RYR2: variants seen among roughly 807,000 people sequenced by gnomAD.
RYR2 encodes cardiac muscle ryanodine receptor-calcium release channel.
RYR2 carries 227 observed loss-of-function variants against 601.1 expected under a neutral mutation model. The observed-to-expected ratio is 0.38, with a 90% CI of 0.34 to 0.42. The LOEUF (loss-of-function observed/expected upper bound fraction) is 0.42, where lower values mean the gene tolerates loss of function less well. Ranked by LOEUF, RYR2 falls within the 10% of genes least tolerant of loss-of-function variation. RYR2 has a pLI of 1.00. For synonymous variants in RYR2, 2,223 were observed against 2,175.1 expected, an observed-to-expected ratio of 1.02 and a Z score of -0.61; for missense variants, 4,646 against 6,156.5, an observed-to-expected ratio of 0.75 and a Z score of 8.21.
intron 79 of RYR2, among the ~76,000 whole-genome samples, chr1:237,737,491 C>A (rs966964121): frequency 2.0e-5 from 3 of 152,206 alleles, no homozygotes; most frequent in African/African-American, 7.2e-5. Flanking sequence ...CATTTGCCAT[C>A]AATGGCAAGA....
intron 66 of RYR2, among the ~76,000 whole-genome samples, chr1:237,702,335 T>A (rs1688036592): frequency 6.6e-6 from 1 of 152,208 alleles, no homozygotes; most frequent in Non-Finnish European, 1.5e-5. Flanking sequence ...TGAAAGCACC[T>A]GCTAGTATCG....
At chr1:237,256,532 A>G (rs1688005363) in intron 1 of RYR2, among the ~76,000 whole-genome samples, 1 of 151,994 alleles carries the variant, frequency 6.6e-6, no homozygotes, top group Non-Finnish European at 1.5e-5. Flanking sequence ...TGACTCCTTC[A>G]CCTTCCTTGG....
At chr1:237,049,950 T>C (rs1457140550) in intron 1 of RYR2, among the ~76,000 whole-genome samples, 1 of 152,196 alleles carries the variant, frequency 6.6e-6, no homozygotes, top group Non-Finnish European at 1.5e-5. Flanking sequence ...TTCTGGGGTT[T>C]CCCAGAATGT....
intron 102 of RYR2, 28 bp from the exon 103 acceptor site, chr1:237,830,502 G>T (rs756249746): frequency 5.9e-6 from 8 of 1,365,342 alleles, no homozygotes; most frequent in East Asian, 2.3e-5. Flanking sequence ...TCTGAACTCT[G>T]ACGTTAATAT....
In RYR2 at chr1:237,274,183, C is replaced by A. The variant is rs1933231; in HGVS notation, c.168+3567C>A. Among the ~76,000 whole-genome samples the A allele has an allele frequency of 3.6e-3, 536 of 149,618 alleles. 7 individuals carry two copies. Among genetic ancestry groups the A allele is most frequent in the East Asian group, 0.024 (124 of 5,126 alleles). Reference sequence around the variant, plus strand: ...AATATAAAAATGCATATTTAATGTACATATTATATATGATATGTATATCCT... The same window carrying A: ...AATATAAAAATGCATATTTAATGTAAATATTATATATGATATGTATATCCT... On this transcript the variant is annotated intron_variant, in intron 2 of 104. Transcript: ENST00000366574.
rs1660616083 is a variant in RYR2, at chr1:237,806,186, A to G, written c.14201A>G (p.Tyr4734Cys). 2.5e-6 allele frequency: 4 copies of G among 1,613,590 alleles called. No individual in the cohort carries two copies. Among genetic ancestry groups the G allele is most frequent in the Non-Finnish European group, 3.4e-6 (4 of 1,179,558 alleles). ...WYMTMSVLGH[Y>C]NNFFFAAHLL... ...ATGACTATGTCTGTTCTTGGACACT[A>G]TAACAACTTTTTTTTTGCCGCTCAC... The change falls in exon 99 of 105, where the codon TAT (tyrosine) becomes TGT (cysteine). Residue 4734 changes from tyrosine (Y) to cysteine (C), a missense_variant. Around this residue, in one of 17 missense-constraint regions of RYR2, gnomAD observed 76 missense variants for 97.4 expected, o/e 0.78. Transcript: ENST00000366574.
intron 27 of RYR2, among the ~76,000 whole-genome samples, chr1:237,553,901 G>T (rs1008692836): frequency 2.6e-5 from 4 of 151,838 alleles, no homozygotes; most frequent in Non-Finnish European, 5.9e-5. Context: ...TTATATGTCA[G>T]TTCTATTTTT....
chr1:237,807,050 C>T (rs1660708537), intron 99 of RYR2, among the ~76,000 whole-genome samples: 2 of 152,184 alleles, frequency 1.3e-5, no homozygotes, highest in African/African-American at 4.8e-5. Flanking sequence ...ATAATTGCCT[C>T]TCTAAAAGCT....
chr1:237,687,533 A>G, intron 63 of RYR2, 29 bp downstream of exon 63: 1 of 1,572,802 alleles, frequency 6.4e-7, no homozygotes, highest in South Asian at 1.1e-5. Flanking sequence ...AAATACAAGC[A>G]TGGCCATCAC....
intron 1 of RYR2, among the ~76,000 whole-genome samples, chr1:237,208,696 C>A (rs1377104755): frequency 2.6e-5 from 4 of 151,920 alleles, no homozygotes; most frequent in Middle Eastern, 3.4e-3. Context: ...CACAGAGTTA[C>A]CTTTTTTCTG....
At chr1:237,371,858 G>A (rs1410142679) in intron 6 of RYR2, among the ~76,000 whole-genome samples, 1 of 152,118 alleles carries the variant, frequency 6.6e-6, no homozygotes, top group Admixed American at 6.6e-5. Context: ...GAGAACACTT[G>A]GACACAGGAA....
intron 34 of RYR2, among the ~76,000 whole-genome samples, chr1:237,596,533 G>GA (rs967196723): frequency 3.3e-5 from 5 of 151,950 alleles, no homozygotes; most frequent in Admixed American, 6.6e-5. Flanking sequence ...AAGAAAGAAG[G>GA]AAAAAAGCCT....
chr1:237,193,579 T>C (rs1173025222), intron 1 of RYR2, among the ~76,000 whole-genome samples: 1 of 152,214 alleles, frequency 6.6e-6, no homozygotes, highest in African/African-American at 2.4e-5. Flanking sequence ...CACAAATCAG[T>C]ACTTCTACTC....
chr1:237,636,139 T>C (rs1283783471), intron 44 of RYR2, among the ~76,000 whole-genome samples: 1 of 151,620 alleles, frequency 6.6e-6, no homozygotes, highest in Non-Finnish European at 1.5e-5. Flanking sequence ...TTTATATTTA[T>C]AGAAACTTAT....
chr1:237,090,528 C>T (rs1314575761), intron 1 of RYR2, among the ~76,000 whole-genome samples: 1 of 152,024 alleles, frequency 6.6e-6, no homozygotes. Context: ...GGAGTGCAGC[C>T]CTGCAGAACC....
chr1:237,161,691 A>G (rs1398298462), intron 1 of RYR2, among the ~76,000 whole-genome samples: 1 of 152,168 alleles, frequency 6.6e-6, no homozygotes, highest in Non-Finnish European at 1.5e-5. Context: ...GGATACATGC[A>G]AATATTCTTA....
chr1:237,313,462 G>A (rs1694779530), intron 2 of RYR2, among the ~76,000 whole-genome samples: 1 of 152,240 alleles, frequency 6.6e-6, no homozygotes, highest in Admixed American at 6.5e-5. Flanking sequence ...AGTAAAGGTT[G>A]GAGTGATGCA....
At chr1:237,594,885 G>GGTTTTTTTTTTTT (rs1675639135) in intron 33 of RYR2, among the ~76,000 whole-genome samples, 1 of 79,048 alleles carries the variant, frequency 1.3e-5, no homozygotes, top group African/African-American at 7.2e-5. Flanking sequence ...AATATCACTG[G>GGTTTTTTTTTTTT]GTTTTTTTTT....
intron 10 of RYR2, among the ~76,000 whole-genome samples, chr1:237,412,210 A>G (rs1704527306): frequency 6.6e-6 from 1 of 152,080 alleles, no homozygotes; most frequent in Admixed American, 6.6e-5. Flanking sequence ...AAAAATAACT[A>G]ATTTTATATC....
Sources: gnomAD v4.1 joint callset for allele counts (sites outside exome capture counted in the v4.1 genomes callset) on GRCh38, gnomAD v4.1.1 for gene constraint, gnomAD v4.1.1 regional missense constraint, MANE v1.5 for transcripts, NCBI Gene and HGNC (gene_info 2026-07-23, HGNC 2026-07-21) for gene names.